The following CSNK1G1 variants were observed in gnomAD, a reference collection of about 807,000 sequenced individuals.
CSNK1G1 encodes casein kinase I isoform gamma-1.
In CSNK1G1, 22 loss-of-function variants were observed where a neutral mutation model predicts 59.6. The ratio of observed to expected loss-of-function variants is 0.37; its 90% CI spans 0.26 to 0.53. The LOEUF (loss-of-function observed/expected upper bound fraction) is 0.53, where lower values mean the gene tolerates loss of function less well. Ranked by LOEUF, CSNK1G1 falls within the 20% of genes least tolerant of loss-of-function variation. CSNK1G1 has a pLI of 0.89. For missense variants in CSNK1G1, 384 were observed against 519.5 expected, an observed-to-expected ratio of 0.74 and a Z score of 2.54; for synonymous variants, 179 against 177.1, an observed-to-expected ratio of 1.01 and a Z score of -0.08.
At position 64,351,820 on chromosome 15, in the gene CSNK1G1, A is replaced by G. The variant is rs1363122088; in HGVS notation, c.-225+4168T>C. On this transcript the variant is annotated intron_variant, in intron 1 of 11. Coordinates refer to ENST00000303052, the MANE Select transcript of CSNK1G1 (RefSeq NM_022048.5). ...CTTGAACCTGAGGGGCAGAGGCTGC[A>G]GTAAGCTGAGCCTGGGCACTCCAGC... 3.3e-5 allele frequency among the ~76,000 whole-genome samples: 5 copies of G among 152,326 alleles called. No homozygotes were observed. The East Asian group carries it at 7.7e-4, about 23-fold the overall frequency.
intron 4 of CSNK1G1, among the ~76,000 whole-genome samples, chr15:64,245,715 GGC>G (rs1891713700): frequency 6.6e-6 from 1 of 151,652 alleles, no homozygotes; most frequent in Non-Finnish European, 1.5e-5. Flanking sequence ...GACCTGACTG[GGC>G]AGTATAGCGA....
At chr15:64,172,894 G>C (rs1487967407) in intron 11 of CSNK1G1, among the ~76,000 whole-genome samples, 1 of 152,198 alleles carries the variant, frequency 6.6e-6, no homozygotes, top group Non-Finnish European at 1.5e-5. Flanking sequence ...AGAACAGGAA[G>C]TATCACTCTT....
At chr15:64,275,394 C>T (rs1330767371) in intron 2 of CSNK1G1, among the ~76,000 whole-genome samples, 3 of 152,062 alleles carry the variant, frequency 2.0e-5, no homozygotes, top group African/African-American at 4.8e-5. Flanking sequence ...GATAGCAATA[C>T]AACTCTAAAG....
rs987121339 is a variant in CSNK1G1, at chr15:64,356,102, G to C, written c.-339C>G. 3.9e-5 allele frequency: 6 copies of C among 152,234 alleles called. No homozygotes were observed. Among genetic ancestry groups the C allele is most frequent in the Non-Finnish European group, 1.5e-5 (1 of 68,086 alleles). 9.4% of individuals were successfully genotyped at this position (152,234 alleles called of 1,614,324 possible). A position where few individuals can be genotyped will look rare whatever the true frequency, so the allele number is the denominator to read the frequency against. On this transcript the variant is annotated 5_prime_UTR_variant, in exon 1 of 12. Transcript: ENST00000303052. ...GTTTCTCTCTTTCCCAGGAGCGGGA[G>C]GGAGGGGAGAAGGCGGACGGGAGGG... is the stretch of plus-strand genomic sequence containing the variant.
At chr15:64,263,317 C>T (rs868016428) in intron 2 of CSNK1G1, among the ~76,000 whole-genome samples, 4 of 151,690 alleles carry the variant, frequency 2.6e-5, no homozygotes, top group Non-Finnish European at 4.4e-5. Context: ...GCCTCTGGAG[C>T]GGCTAGGATT....
At position 64,309,349 on chromosome 15, in the gene CSNK1G1, CACAAAT is replaced by C. The variant is rs765193854; in HGVS notation, c.-224-8632_-224-8627del. On this transcript the variant is annotated intron_variant, in intron 1 of 11. Coordinates refer to ENST00000303052, the MANE Select transcript of CSNK1G1 (RefSeq NM_022048.5). The stretch of plus-strand genomic sequence containing the variant: ...ACACACACACACACACACACACACA[CACAAAT>C]AAATGAGTTCTCAATCTTGGTTTTC... Among the ~76,000 whole-genome samples, 176 of 122,710 alleles carry C rather than the reference CACAAAT, an allele frequency of 1.4e-3. 1 individual carries two copies. Among genetic ancestry groups the C allele is most frequent in the Non-Finnish European group, 2.2e-3 (127 of 56,596 alleles). The allele number at this position is 122,710 out of a possible 152,430, so 80.5% of individuals were successfully genotyped here.
chr15:64,263,708 T>G (rs2140336986), intron 2 of CSNK1G1, among the ~76,000 whole-genome samples: 1 of 151,846 alleles, frequency 6.6e-6, no homozygotes, highest in South Asian at 2.1e-4. Flanking sequence ...CTAAGTCAGT[T>G]ACCACCTAAC....
At chr15:64,306,591 C>T (rs986247665) in intron 1 of CSNK1G1, among the ~76,000 whole-genome samples, 7 of 152,112 alleles carry the variant, frequency 4.6e-5, no homozygotes, top group Admixed American at 2.0e-4. Context: ...TCTTATGTAA[C>T]TAAACATACT....
chr15:64,339,017 C>CA (rs1055849733), intron 1 of CSNK1G1, among the ~76,000 whole-genome samples: 8 of 149,334 alleles, frequency 5.4e-5, no homozygotes, highest in Admixed American at 2.0e-4. Flanking sequence ...AACTCCATCT[C>CA]AAAAAAAAAG....
rs966002489 is a variant in CSNK1G1 at position 64,176,790 on chromosome 15, T to C, written c.1214+3558A>G. On this transcript the variant is annotated intron_variant, in intron 11 of 11. Transcript: ENST00000303052. The surrounding 1 kb of genome is among the most constrained non-coding windows in gnomAD (Gnocchi z 5.2). ...ATCAAAGCAGCTAGCAGTTAGCTCT[T>C]CCTCTAGAGAGGGAGAAAAGGTTTA... Among the ~76,000 whole-genome samples the C allele has an allele frequency of 5.9e-5, 9 of 152,196 alleles. No individual in the cohort carries two copies. The highest frequency in any genetic ancestry group is 2.2e-4 in the African/African-American group (9 of 41,438).
intron 10 of CSNK1G1, among the ~76,000 whole-genome samples, chr15:64,193,474 A>C (rs1205308687): frequency 7.3e-6 from 1 of 137,594 alleles, no homozygotes; most frequent in African/African-American, 2.8e-5. Context: ...CCTGGGCAAC[A>C]GAGTGAGACT....
In CSNK1G1 at chr15:64,269,588, G is replaced by T. The variant is rs151335614; in HGVS notation, c.182-10347C>A. ...AGCTCACTGCAACCTCTGCCTCCCG[G>T]GTTCAAGCGATTCTCCTGCCTCAGC... On this transcript the variant is annotated intron_variant, in intron 2 of 11. Transcript: ENST00000303052. Among the ~76,000 whole-genome samples the T allele has an allele frequency of 1.9e-4, 29 of 151,534 alleles. No homozygotes were observed. The East Asian group carries it at 5.6e-3, about 29-fold the overall frequency.
intron 1 of CSNK1G1, among the ~76,000 whole-genome samples, chr15:64,349,701 C>G (rs559854719): frequency 5.3e-5 from 8 of 152,034 alleles, no homozygotes; most frequent in Non-Finnish European, 1.2e-4. Flanking sequence ...CTTTCTGGTC[C>G]GCTAAGTTAA....
intron 10 of CSNK1G1, among the ~76,000 whole-genome samples, chr15:64,196,922 C>T (rs2082045939): frequency 6.6e-6 from 1 of 151,922 alleles, no homozygotes; most frequent in South Asian, 2.1e-4. Context: ...ATTTATTTTT[C>T]AATAAAGGTT....
chr15:64,197,117 G>GT (rs1291731688), intron 10 of CSNK1G1, among the ~76,000 whole-genome samples: 2 of 152,132 alleles, frequency 1.3e-5, no homozygotes, highest in African/African-American at 4.8e-5. Context: ...CTCTTACAAG[G>GT]CTCCAATTTG....
rs551109660 is a variant in CSNK1G1, at chr15:64,214,410, A to C, written c.445-286T>G. Among the ~76,000 whole-genome samples the C allele has an allele frequency of 4.6e-5, 7 of 152,346 alleles. No homozygotes were observed. In the South Asian group the frequency reaches 1.4e-3, roughly 32 times the overall value. ...TGTCACAATTTGCAAATGACAAATG[A>C]AATCAGTTGTTTATATGCTACGTCA... On this transcript the variant is annotated intron_variant, in intron 5 of 11. Transcript: ENST00000303052. The surrounding 1 kb of genome is among the most constrained non-coding windows in gnomAD (Gnocchi z 4.3).
intron 10 of CSNK1G1, among the ~76,000 whole-genome samples, chr15:64,201,969 T>C (rs971396333): frequency 2.6e-5 from 4 of 152,140 alleles, no homozygotes; most frequent in African/African-American, 9.7e-5. Flanking sequence ...AGCAATATAT[T>C]TAATATAAAG....
chr15:64,241,988 C>A (rs1891489656), intron 4 of CSNK1G1, among the ~76,000 whole-genome samples: 1 of 151,410 alleles, frequency 6.6e-6, no homozygotes, highest in South Asian at 2.1e-4. Flanking sequence ...AATGAGAAGA[C>A]TCAAATAAAT....
intron 7 of CSNK1G1, among the ~76,000 whole-genome samples, chr15:64,206,515 G>C (rs867659444): frequency 1.3e-5 from 2 of 149,606 alleles, no homozygotes; most frequent in African/African-American, 2.5e-5. Flanking sequence ...GCTGAGGTAG[G>C]AGAACCGCTG....
Sources: allele counts gnomAD v4.1 joint callset (sites outside exome capture counted in the v4.1 genomes callset), GRCh38; gene constraint gnomAD v4.1.1; non-coding constraint Gnocchi (gnomAD v3.1); transcripts MANE v1.5; gene names NCBI Gene and HGNC (gene_info 2026-07-23, HGNC 2026-07-21).